Variants in CLRN2 observed in about 807,000 individuals in gnomAD.
The protein encoded by CLRN2 is clarin 2, also known as clarin-2.
Under a neutral mutation model 20.1 loss-of-function variants are expected in CLRN2, and 17 were observed. The ratio of observed to expected loss-of-function variants is 0.85; its 90% CI spans 0.58 to 1.27. The LOEUF is 1.27. CLRN2 is among the 50% of genes most tolerant of loss of function. CLRN2 has a pLI of 0.00. For missense variants in CLRN2, 288 were observed against 299.5 expected, an observed-to-expected ratio of 0.96 and a Z score of 0.28; for synonymous variants, 140 against 126.9, an observed-to-expected ratio of 1.10 and a Z score of -0.70.
chr4:17,520,548 A>G (rs1488737929), intron 1 of CLRN2, among the ~76,000 whole-genome samples: 1 of 152,228 alleles, frequency 6.6e-6, no homozygotes, highest in African/African-American at 2.4e-5. Flanking sequence ...ATGAATTAAT[A>G]TTTCTATGAG....
At chr4:17,524,264 T>C (rs1711913234) in intron 2 of CLRN2, among the ~76,000 whole-genome samples, 1 of 150,274 alleles carries the variant, frequency 6.7e-6, no homozygotes. Flanking sequence ...GGGAGTATAT[T>C]GATGCACAGA....
Position 17,517,626 on chromosome 4 carries a change from G to C in CLRN2, c.253+2107G>C, listed in dbSNP as rs140524329. On this transcript the variant is annotated intron_variant, in intron 1 of 2. Transcript: ENST00000511148. Reference sequence around the variant, plus strand: ...CCTTCCTCCTTCTTCCTTCTTAGAAGGACACCAATGGGAAACATTCCCCTG... The same window carrying C: ...CCTTCCTCCTTCTTCCTTCTTAGAACGACACCAATGGGAAACATTCCCCTG... Among the ~76,000 whole-genome samples, 41 of 152,272 alleles carry C rather than the reference G, an allele frequency of 2.7e-4. No homozygotes were observed. In the East Asian group the frequency reaches 7.7e-3, roughly 29 times the overall value.
chr4:17,521,891 C>G (rs1484823452), intron 1 of CLRN2, among the ~76,000 whole-genome samples: 3 of 152,202 alleles, frequency 2.0e-5, no homozygotes, highest in African/African-American at 7.2e-5. Context: ...TCAAGGAACT[C>G]AGAAGATGCG....
Position 17,515,229 on chromosome 4 carries a change from C to G in CLRN2, c.-38C>G, listed in dbSNP as rs554866709. 1 of 1,605,042 alleles carries G rather than the reference C, an allele frequency of 6.2e-7. No homozygotes were observed. Among genetic ancestry groups the G allele is most frequent in the East Asian group, 2.2e-5 (1 of 44,744 alleles). ...TGAAAGATGTCAATGACCCTCGCTG[C>G]TGCTCGGAGACCTTGGGGATGACCT... On this transcript the variant is annotated 5_prime_UTR_variant, in exon 1 of 3. Transcript: ENST00000511148.
intron 1 of CLRN2, 69 bp from the exon 2 acceptor site, chr4:17,522,795 C>T: frequency 6.5e-7 from 1 of 1,532,980 alleles, no homozygotes; most frequent in Non-Finnish European, 8.9e-7. Flanking sequence ...TCGTGGTAAG[C>T]AAGCTTGGAC....
At chr4:17,518,199 C>A (rs1471910931) in intron 1 of CLRN2, among the ~76,000 whole-genome samples, 2 of 152,126 alleles carry the variant, frequency 1.3e-5, no homozygotes, top group East Asian at 3.8e-4. Flanking sequence ...CAGAGGCCTC[C>A]CCAAAAAATC....
intron 1 of CLRN2, among the ~76,000 whole-genome samples, chr4:17,520,658 G>GT (rs1711816806): frequency 6.6e-6 from 1 of 152,218 alleles, no homozygotes; most frequent in Non-Finnish European, 1.5e-5. Flanking sequence ...TATTGTAAGA[G>GT]TTTTGGTAAG....
intron 1 of CLRN2, among the ~76,000 whole-genome samples, chr4:17,516,470 A>G (rs754956943): frequency 7.2e-5 from 11 of 152,232 alleles, no homozygotes; most frequent in Non-Finnish European, 1.3e-4. Flanking sequence ...CTTGATTTCT[A>G]TATTTCAGTA....
rs774346576 is a variant in CLRN2, at chr4:17,515,220, C to G, written c.-47C>G. ...CCGAGTATCTGAAAGATGTCAATGA[C>G]CCTCGCTGCTGCTCGGAGACCTTGG... On this transcript the variant is annotated 5_prime_UTR_variant, in exon 1 of 3. Transcript: ENST00000511148. The G allele has an allele frequency of 8.8e-5, 141 of 1,598,978 alleles. No individual in the cohort carries two copies. The East Asian group carries it at 2.0e-3, about 23-fold the overall frequency.
intron 1 of CLRN2, among the ~76,000 whole-genome samples, chr4:17,522,008 G>C (rs1430064640): frequency 6.6e-6 from 1 of 152,158 alleles, no homozygotes; most frequent in Non-Finnish European, 1.5e-5. Flanking sequence ...GGTCACATTT[G>C]TTCTCATAGT....
chr4:17,525,087 C>A (rs1015118260), intron 2 of CLRN2, among the ~76,000 whole-genome samples: 2 of 152,256 alleles, frequency 1.3e-5, no homozygotes, highest in African/African-American at 4.8e-5. Flanking sequence ...TTTGACTAAA[C>A]AATTCCATGT....
At chr4:17,526,174 T>G (rs1168742038) in intron 2 of CLRN2, among the ~76,000 whole-genome samples, 1 of 152,206 alleles carries the variant, frequency 6.6e-6, no homozygotes, top group Non-Finnish European at 1.5e-5. Context: ...CACATAGCCT[T>G]CACGGTCTTC....
intron 2 of CLRN2, among the ~76,000 whole-genome samples, chr4:17,524,204 ATGTGTGTGTGTGTGTG>A (rs10527873): frequency 6.7e-6 from 1 of 148,536 alleles, no homozygotes; most frequent in Admixed American, 6.7e-5. Flanking sequence ...AAACTACAAG[ATGTGTGTGTGTGTGTG>A]TGTGTGTGTG....
Position 17,526,888 on chromosome 4 carries a change from G to A in CLRN2, c.505G>A (p.Ala169Thr), listed in dbSNP as rs1577202961. The A allele has an allele frequency of 2.5e-6, 4 of 1,613,870 alleles. No individual in the cohort carries two copies. Among genetic ancestry groups the A allele is most frequent in the South Asian group, 2.2e-5 (2 of 91,082 alleles). ...ATTTCACGACCTGACGGAACGAATCGCCAACTTTCAGGAGAAGCTCTTCCA... is the reference window on the plus strand; with the variant it reads ...ATTTCACGACCTGACGGAACGAATCACCAACTTTCAGGAGAAGCTCTTCCA... ...VKFHDLTERIANFQEKLFQFV... is the reference protein window; with the variant it reads ...VKFHDLTERITNFQEKLFQFV... The change falls in exon 3 of 3, where the codon GCC (alanine) becomes ACC (threonine). Residue 169 changes from alanine to threonine, a missense_variant. Transcript: ENST00000511148.
chr4:17,519,325 T>C (rs1398523032), intron 1 of CLRN2, among the ~76,000 whole-genome samples: 1 of 152,236 alleles, frequency 6.6e-6, no homozygotes, highest in Admixed American at 6.5e-5. Flanking sequence ...TCTATTCAAA[T>C]TCAAAATGAG....
intron 1 of CLRN2, among the ~76,000 whole-genome samples, chr4:17,522,484 A>T (rs1282645115): frequency 6.6e-6 from 1 of 152,248 alleles, no homozygotes; most frequent in Non-Finnish European, 1.5e-5. Context: ...TATTTTAATA[A>T]AACGTTGTGC....
At chr4:17,523,314 A>G (rs564183756) in intron 2 of CLRN2, among the ~76,000 whole-genome samples, 127 of 151,688 alleles carry the variant, frequency 8.4e-4, no homozygotes, top group African/African-American at 2.8e-3. Context: ...TCCTGGGCTC[A>G]AGTGATCTTC....
chr4:17,522,819 G>C, intron 1 of CLRN2, 45 bp from the exon 2 acceptor site: 1 of 1,592,264 alleles, frequency 6.3e-7, no homozygotes. Flanking sequence ...ATGAAAGTGA[G>C]TCTAACTCTG....
At position 17,522,498 on chromosome 4, in the gene CLRN2, G is replaced by A. The variant is rs879944509; in HGVS notation, c.254-366G>A. On this transcript the variant is annotated intron_variant, in intron 1 of 2. Coordinates refer to ENST00000511148, the MANE Select transcript of CLRN2 (RefSeq NM_001079827.2). Reference sequence around the variant, plus strand: ...ATATTTTAATAAAACGTTGTGCAACGTGAGAATTATGTGTCCTTCATACAT... The same window carrying A: ...ATATTTTAATAAAACGTTGTGCAACATGAGAATTATGTGTCCTTCATACAT... Among the ~76,000 whole-genome samples the A allele has an allele frequency of 1.4e-4, 21 of 152,188 alleles. 1 individual carries two copies. The highest frequency in any genetic ancestry group is 1.2e-3 in the Admixed American group (19 of 15,280).
Sources: allele counts gnomAD v4.1 joint callset (sites outside exome capture counted in the v4.1 genomes callset), GRCh38; gene constraint gnomAD v4.1.1; transcripts MANE v1.5; gene names NCBI Gene and HGNC (gene_info 2026-07-23, HGNC 2026-07-21).